The following FHIT variants were observed in gnomAD, a reference collection of about 807,000 sequenced individuals.
FHIT encodes the protein bis(5'-adenosyl)-triphosphatase.
In FHIT, 19 loss-of-function variants were observed where a neutral mutation model predicts 17.9. The ratio of observed to expected loss-of-function variants is 1.06; its 90% CI spans 0.74 to 1.56. The LOEUF (loss-of-function observed/expected upper bound fraction) is 1.56. Among genes scored for constraint, FHIT ranks in the 40% most tolerant of loss-of-function variants. The probability of loss-of-function intolerance (pLI) is 0.00; values close to 1 mark genes in which losing one functional copy is unlikely to be tolerated. For missense variants in FHIT, 248 were observed against 189.2 expected, an observed-to-expected ratio of 1.31 and a Z score of -1.82; for synonymous variants, 81 against 69.7, an observed-to-expected ratio of 1.16 and a Z score of -0.81.
intron 5 of FHIT, among the ~76,000 whole-genome samples, chr3:60,396,694 G>C (rs1426919112): frequency 6.6e-6 from 1 of 152,086 alleles, no homozygotes; most frequent in Non-Finnish European, 1.5e-5. Flanking sequence ...TTTACTTTGG[G>C]AATGTTTTGG....
At chr3:60,496,970 AAC>A (rs2034325853) in intron 5 of FHIT, among the ~76,000 whole-genome samples, 1 of 148,022 alleles carries the variant, frequency 6.8e-6, no homozygotes, top group South Asian at 2.1e-4. Flanking sequence ...AAAAACAAAA[AAC>A]AAAAAAAAAC....
chr3:60,754,320 T>C (rs1163272632), intron 4 of FHIT, among the ~76,000 whole-genome samples: 1 of 152,174 alleles, frequency 6.6e-6, no homozygotes, highest in African/African-American at 2.4e-5. Flanking sequence ...GATAGTGGCT[T>C]TTCAGAGATA....
intron 4 of FHIT, among the ~76,000 whole-genome samples, chr3:60,808,583 CT>C (rs1405003108): frequency 2.6e-5 from 4 of 152,244 alleles, no homozygotes; most frequent in Admixed American, 6.5e-5. Context: ...CAAAACCTCA[CT>C]GTATAAAAAA....
chr3:60,671,683 T>C (rs1414090362), intron 4 of FHIT, among the ~76,000 whole-genome samples: 1 of 151,746 alleles, frequency 6.6e-6, no homozygotes, highest in Non-Finnish European at 1.5e-5. Flanking sequence ...CTCATGCCTG[T>C]AATCCCAGCA....
At chr3:59,830,102 CT>C (rs1281357783) in intron 8 of FHIT, among the ~76,000 whole-genome samples, 1 of 151,940 alleles carries the variant, frequency 6.6e-6, no homozygotes, top group Non-Finnish European at 1.5e-5. Context: ...CAACCCCCCC[CT>C]CAAAAGTTTA....
chr3:60,568,645 C>T (rs2037229910), intron 4 of FHIT, among the ~76,000 whole-genome samples: 1 of 151,930 alleles, frequency 6.6e-6, no homozygotes, highest in African/African-American at 2.4e-5. Context: ...TTCTAGACTT[C>T]CCAACACTTT....
intron 2 of FHIT, among the ~76,000 whole-genome samples, chr3:61,128,726 C>T (rs1429375427): frequency 6.6e-6 from 1 of 151,992 alleles, no homozygotes; most frequent in Non-Finnish European, 1.5e-5. Flanking sequence ...ATAATAAATA[C>T]AGCAGGCTCT....
intron 8 of FHIT, among the ~76,000 whole-genome samples, chr3:59,780,378 T>C (rs1702525216): frequency 6.6e-6 from 1 of 152,236 alleles, no homozygotes; most frequent in South Asian, 2.1e-4. Flanking sequence ...CAGTCCAAGC[T>C]ACAAAATGTG....
At chr3:60,049,535 A>C (rs1404843493) in intron 5 of FHIT, among the ~76,000 whole-genome samples, 1 of 152,210 alleles carries the variant, frequency 6.6e-6, no homozygotes, top group Non-Finnish European at 1.5e-5. Flanking sequence ...CTCTGATTTA[A>C]GATGTACTAT....
intron 3 of FHIT, among the ~76,000 whole-genome samples, chr3:60,901,905 C>A (rs76777117): frequency 6.6e-6 from 1 of 152,112 alleles, no homozygotes; most frequent in African/African-American, 2.4e-5. Flanking sequence ...GTCATAAGTA[C>A]TGTTTTGTCC....
chr3:60,158,280 A>T (rs1037555740), intron 5 of FHIT, among the ~76,000 whole-genome samples: 2 of 152,068 alleles, frequency 1.3e-5, no homozygotes, highest in African/African-American at 4.8e-5. Flanking sequence ...CTCTGAGACC[A>T]TGATAAAGTA....
At chr3:60,120,910 T>C (rs1181707027) in intron 5 of FHIT, among the ~76,000 whole-genome samples, 1 of 152,084 alleles carries the variant, frequency 6.6e-6, no homozygotes, top group Non-Finnish European at 1.5e-5. Context: ...AGTCTTCACA[T>C]AGCAGTTCCC....
chr3:60,593,052 G>A (rs1177238348), intron 4 of FHIT, among the ~76,000 whole-genome samples: 2 of 152,162 alleles, frequency 1.3e-5, no homozygotes, highest in Admixed American at 1.3e-4. Flanking sequence ...CCTGCCCATC[G>A]CTGGGTATCC....
At chr3:60,152,960 T>G (rs142806551) in intron 5 of FHIT, among the ~76,000 whole-genome samples, 1 of 152,250 alleles carries the variant, frequency 6.6e-6, no homozygotes, top group Non-Finnish European at 1.5e-5. Flanking sequence ...GAAGGCCAAG[T>G]GAAATCCTGG....
chr3:60,660,727 C>CTTTTTTTTTTTTTTTTTTTTTTTTT lies in FHIT; in HGVS notation c.-17-123749_-17-123748insAAAAAAAAAAAAAAAAAAAAAAAAA, dbSNP rs1220817643. Among the ~76,000 whole-genome samples, 11 of 16,754 alleles carry CTTTTTTTTTTTTTTTTTTTTTTTTT rather than the reference C, an allele frequency of 6.6e-4. 2 individuals are homozygous for CTTTTTTTTTTTTTTTTTTTTTTTTT. Among genetic ancestry groups the CTTTTTTTTTTTTTTTTTTTTTTTTT allele is most frequent in the African/African-American group, 1.2e-3 (9 of 7,340 alleles). 11.0% of individuals were successfully genotyped at this position (16,754 alleles called of 152,430 possible). A position where few individuals can be genotyped will look rare whatever the true frequency, so the allele number is the denominator to read the frequency against. ...ATGATGTGGAATATCTTTTATTGTG[C>CTTTTTTTTTTTTTTTTTTTTTTTTT]TCTTTTTTTTTTTTTTTTTTTTTGC... On this transcript the variant is annotated intron_variant, in intron 4 of 9. Coordinates refer to ENST00000492590, the MANE Select transcript of FHIT (RefSeq NM_002012.4).
intron 5 of FHIT, among the ~76,000 whole-genome samples, chr3:60,348,118 G>A (rs918391812): frequency 3.0e-5 from 2 of 67,502 alleles, no homozygotes; most frequent in Non-Finnish European, 5.6e-5. Flanking sequence ...ATCCTGTAAG[G>A]GCAAAAAGTA....
At chr3:60,018,651 A>G (rs1191117991) in intron 5 of FHIT, among the ~76,000 whole-genome samples, 1 of 152,166 alleles carries the variant, frequency 6.6e-6, no homozygotes, top group Admixed American at 6.5e-5. Flanking sequence ...CTACTGCTGC[A>G]TAATAAACTA....
At chr3:60,506,373 T>G (rs2034729981) in intron 5 of FHIT, among the ~76,000 whole-genome samples, 1 of 152,172 alleles carries the variant, frequency 6.6e-6, no homozygotes, top group African/African-American at 2.4e-5. Context: ...AGAAATTATT[T>G]ATCATATATT....
intron 5 of FHIT, among the ~76,000 whole-genome samples, chr3:60,446,561 G>C (rs1276882918): frequency 6.6e-6 from 1 of 151,998 alleles, no homozygotes; most frequent in Non-Finnish European, 1.5e-5. Context: ...CTCAGCCCTA[G>C]GAGACTATCA....
Sources: allele counts gnomAD v4.1 joint callset (sites outside exome capture counted in the v4.1 genomes callset), GRCh38; gene constraint gnomAD v4.1.1; transcripts MANE v1.5; gene names NCBI Gene and HGNC (gene_info 2026-07-23, HGNC 2026-07-21).